The following ITGB5 variants were observed in gnomAD, a reference collection of about 807,000 sequenced individuals.
ITGB5 encodes the protein integrin beta-5.
ITGB5 carries 38 observed loss-of-function variants against 84.8 expected under a neutral mutation model. That is an observed-to-expected ratio of 0.45 (90% CI 0.35 to 0.59). The LOEUF (loss-of-function observed/expected upper bound fraction) is 0.59, where lower values mean the gene tolerates loss of function less well. Among genes scored for constraint, ITGB5 ranks in the 20% least tolerant of loss-of-function variants. ITGB5 has a pLI of 0.01. For synonymous variants in ITGB5, 393 were observed against 414.4 expected (o/e 0.95, Z 0.63); for missense variants, 905 against 1,034.5 (o/e 0.87, Z 1.72).
intron 7 of ITGB5, among the ~76,000 whole-genome samples, chr3:124,818,154 T>C (rs1445314690): frequency 6.6e-6 from 1 of 151,954 alleles, no homozygotes; most frequent in Admixed American, 6.6e-5. Flanking sequence ...TTTCCAAGGG[T>C]CTCAAGTATA....
intron 2 of ITGB5, among the ~76,000 whole-genome samples, chr3:124,861,203 C>A (rs1020560624): frequency 2.0e-5 from 3 of 151,756 alleles, no homozygotes; most frequent in African/African-American, 7.3e-5. Flanking sequence ...TTTTTAATAA[C>A]GATTTTTTAT....
At chr3:124,857,435 G>A (rs848795) in intron 3 of ITGB5, 27,866 of 152,220 alleles carry the variant, frequency 0.18, 2,663 homozygotes, top group Admixed American at 0.21. Flanking sequence ...GAGAGATGGA[G>A]TAACTTGCCC....
chr3:124,860,233 TTAAACCATAAGAATAACA>T (rs2065277420), intron 2 of ITGB5, among the ~76,000 whole-genome samples: 3 of 152,128 alleles, frequency 2.0e-5, no homozygotes, highest in African/African-American at 7.2e-5. Flanking sequence ...ACCTAAATCC[TTAAACCATAAGAATAACA>T]TAGCATATCA....
Position 124,841,553 on chromosome 3 carries a change from TAG to T in ITGB5, c.612-4_612-3del. ...ACGCAATTTGGAAACAACTTGTAAC[TAG>T]AGAGGAAGAAGAGAAGAGTCACTTT... On this transcript the variant is annotated splice_region_variant and splice_polypyrimidine_tract_variant and intron_variant, in intron 4 of 14. Coordinates refer to ENST00000296181, the MANE Select transcript of ITGB5 (RefSeq NM_002213.5). 1 of 1,613,178 alleles carries T rather than the reference TAG, an allele frequency of 6.2e-7. No homozygotes were observed. Among genetic ancestry groups the T allele is most frequent in the Admixed American group, 1.7e-5 (1 of 59,892 alleles).
At chr3:124,821,204 G>C in intron 6 of ITGB5, 109 bp downstream of exon 6, 4 of 1,251,378 alleles carry the variant, frequency 3.2e-6, no homozygotes, top group East Asian at 2.6e-5. Flanking sequence ...CAGAAAGCCA[G>C]TGAATACTGA....
chr3:124,851,550 T>C (rs1171853664), intron 3 of ITGB5, among the ~76,000 whole-genome samples: 1 of 152,010 alleles, frequency 6.6e-6, no homozygotes, highest in Admixed American at 6.6e-5. Context: ...AGAGGCTATC[T>C]ATTCTGAAGC....
At chr3:124,805,864 T>C (rs2064393893) in intron 9 of ITGB5, among the ~76,000 whole-genome samples, 1 of 152,236 alleles carries the variant, frequency 6.6e-6, no homozygotes, top group Non-Finnish European at 1.5e-5. Context: ...AGTAACATTC[T>C]GAACTAAAAC....
chr3:124,771,818 A>C (rs935397472), intron 11 of ITGB5, among the ~76,000 whole-genome samples: 6 of 151,058 alleles, frequency 4.0e-5, no homozygotes, highest in African/African-American at 1.5e-4. Context: ...TGCTCCCTTC[A>C]TATTGTGTAA....
At chr3:124,763,774 C>A (rs570480979) in intron 14 of ITGB5, 56 bp from the exon 15 acceptor site, 1 of 1,028,598 alleles carries the variant, frequency 9.7e-7, no homozygotes, top group East Asian at 2.4e-5. Context: ...CACACTCAAA[C>A]CGACAGACGC....
chr3:124,898,085 G>A (rs552002524), intron 1 of ITGB5, among the ~76,000 whole-genome samples: 19 of 152,172 alleles, frequency 1.2e-4, no homozygotes, highest in Non-Finnish European at 2.4e-4. Context: ...GGAAGGACCT[G>A]AATCACCACT....
chr3:124,896,403 A>G (rs557849641), intron 1 of ITGB5, among the ~76,000 whole-genome samples: 5 of 152,266 alleles, frequency 3.3e-5, no homozygotes, highest in East Asian at 1.9e-4. Flanking sequence ...GTTAGACTAG[A>G]CATTCAGACT....
At chr3:124,838,660 G>A (rs2064970592) in intron 5 of ITGB5, among the ~76,000 whole-genome samples, 1 of 151,732 alleles carries the variant, frequency 6.6e-6, no homozygotes, top group African/African-American at 2.4e-5. Flanking sequence ...GGAGTGCAGT[G>A]GCATGATCTC....
intron 5 of ITGB5, among the ~76,000 whole-genome samples, chr3:124,832,702 A>G (rs929344115): frequency 3.3e-5 from 5 of 152,246 alleles, no homozygotes; most frequent in African/African-American, 1.2e-4. Flanking sequence ...GACAGGCATC[A>G]CGGCTACTTC....
At chr3:124,836,437 TCTC>T (rs1458684083) in intron 5 of ITGB5, among the ~76,000 whole-genome samples, 1 of 149,500 alleles carries the variant, frequency 6.7e-6, no homozygotes, top group Non-Finnish European at 1.5e-5. Context: ...TAGAATGAGA[TCTC>T]CTTTCAAAAA....
At chr3:124,872,795 T>C (rs959316113) in intron 2 of ITGB5, among the ~76,000 whole-genome samples, 3 of 152,066 alleles carry the variant, frequency 2.0e-5, no homozygotes, top group Middle Eastern at 3.2e-3. Flanking sequence ...TTAGTAGAGA[T>C]AGAATCTCGC....
At chr3:124,792,394 C>T (rs1353945336) in intron 10 of ITGB5, 1 of 152,220 alleles carries the variant, frequency 6.6e-6, no homozygotes. Flanking sequence ...TCAGAATATT[C>T]TCGACCTAAG....
chr3:124,769,057 T>C lies in ITGB5; in HGVS notation c.1973A>G (p.His658Arg), dbSNP rs1367613594. 1 of 1,613,924 alleles carries C rather than the reference T, an allele frequency of 6.2e-7. No homozygotes were observed. Among genetic ancestry groups the C allele is most frequent in the African/African-American group, 1.3e-5 (1 of 74,932 alleles). Residue 658 changes from histidine to arginine, a missense_variant, in exon 12 of 15, where the codon CAC (histidine) becomes CGC (arginine). Physicochemically the swap from His to Arg is conservative, Grantham distance 29 (BLOSUM62 0). Around this residue, in one of 3 missense-constraint regions of ITGB5, gnomAD observed 116 missense variants for 177.0 expected, o/e 0.66. Transcript: ENST00000296181. ...GATCACCTCATCCCTGCATAGGCTG[T>C]GGCAGGTCTGGTTGTCAGGTTTCCC... is the stretch of plus-strand genomic sequence containing the variant. ...HSGKPDNQTC[H>R]SLCRDEVITW... is the part of the protein sequence containing the mutation.
chr3:124,894,886 A>G (rs1935071225), intron 1 of ITGB5, among the ~76,000 whole-genome samples: 1 of 152,178 alleles, frequency 6.6e-6, no homozygotes, highest in Non-Finnish European at 1.5e-5. Flanking sequence ...GGCCACACAT[A>G]AAATACACTA....
At chr3:124,768,420 TCTC>T (rs2063796425) in intron 12 of ITGB5, among the ~76,000 whole-genome samples, 1 of 152,202 alleles carries the variant, frequency 6.6e-6, no homozygotes, top group Non-Finnish European at 1.5e-5. Flanking sequence ...AATTTTCCCT[TCTC>T]CCTAGCATCA....
Sources: gnomAD v4.1 joint callset for allele counts (sites outside exome capture counted in the v4.1 genomes callset) on GRCh38, gnomAD v4.1.1 for gene constraint, gnomAD v4.1.1 regional missense constraint, MANE v1.5 for transcripts, NCBI Gene and HGNC (gene_info 2026-07-23, HGNC 2026-07-21) for gene names.